CDK8: variants seen among roughly 807,000 people sequenced by gnomAD.
CDK8 encodes the protein cyclin-dependent kinase 8.
In CDK8, 29 loss-of-function variants were observed where a neutral mutation model predicts 71.5. That is an observed-to-expected ratio of 0.41 (90% CI 0.30 to 0.55). The LOEUF is 0.55. Among genes scored for constraint, CDK8 ranks in the 20% least tolerant of loss-of-function variants. The probability of loss-of-function intolerance (pLI) is 0.37; values close to 1 mark genes in which losing one functional copy is unlikely to be tolerated. For synonymous variants in CDK8, 161 were observed against 192.1 expected (o/e 0.84, Z 1.34); for missense variants, 288 against 572.6 (o/e 0.50, Z 5.07).
chr13:26,270,492 T>A (rs1872262808), intron 1 of CDK8, among the ~76,000 whole-genome samples: 1 of 152,272 alleles, frequency 6.6e-6, no homozygotes, highest in Admixed American at 6.5e-5. Flanking sequence ...TTTAGAATAT[T>A]TTTGGTCCCT....
chr13:26,312,407 ACACT>A (rs1329154280), intron 1 of CDK8, among the ~76,000 whole-genome samples: 2 of 152,150 alleles, frequency 1.3e-5, no homozygotes, highest in East Asian at 3.8e-4. Context: ...ATGAGCTGTA[ACACT>A]CACCGTGAGG....
intron 4 of CDK8, among the ~76,000 whole-genome samples, chr13:26,371,056 C>T (rs780670689): frequency 3.3e-5 from 5 of 152,000 alleles, no homozygotes; most frequent in Non-Finnish European, 7.4e-5. Flanking sequence ...GCAAGATGAA[C>T]TTCTTGCGGG....
intron 1 of CDK8, among the ~76,000 whole-genome samples, chr13:26,296,097 GA>G (rs1873548336): frequency 6.6e-6 from 1 of 152,170 alleles, no homozygotes. Flanking sequence ...ATTAAGCCAT[GA>G]AAATTGATTC....
At chr13:26,385,093 T>A (rs1477766617) in intron 5 of CDK8, 118 bp from the exon 6 acceptor site, 10 of 787,356 alleles carry the variant, frequency 1.3e-5, no homozygotes, top group Non-Finnish European at 2.0e-5. Flanking sequence ...TTTGTGGGTT[T>A]CTTCCCCTAG....
rs770441977 is a variant in CDK8 at position 26,349,099 on chromosome 13, G to T, written c.232G>T (p.Val78Phe). ...ACTTCGAGAGCTTAAGCATCCAAAC[G>T]TCATTTCTCTTCAAAAGGTGTTTCT... ...ALLRELKHPN[V>F]ISLQKVFLSH... Residue 78 changes from valine (V) to phenylalanine (F), a missense_variant, in exon 3 of 13, where the codon GTC becomes TTC. Around this residue, in one of 6 missense-constraint regions of CDK8, gnomAD observed 95 missense variants for 177.3 expected, o/e 0.54. Transcript: ENST00000381527. 1 of 1,612,434 alleles carries T rather than the reference G, an allele frequency of 6.2e-7. No homozygotes were observed. The highest frequency in any genetic ancestry group is 8.5e-7 in the Non-Finnish European group (1 of 1,178,694).
chr13:26,319,063 A>G (rs899197847), intron 1 of CDK8, among the ~76,000 whole-genome samples: 1 of 152,230 alleles, frequency 6.6e-6, no homozygotes, highest in African/African-American at 2.4e-5. Context: ...AAATGAATTG[A>G]GCAAAGTAGC....
intron 1 of CDK8, among the ~76,000 whole-genome samples, chr13:26,277,158 G>A (rs1482945183): frequency 6.6e-6 from 1 of 152,202 alleles, no homozygotes; most frequent in African/African-American, 2.4e-5. Flanking sequence ...TCCTGTTGGT[G>A]TTGTAGTAAT....
At chr13:26,368,134 C>T (rs1425121235) in intron 4 of CDK8, among the ~76,000 whole-genome samples, 2 of 152,156 alleles carry the variant, frequency 1.3e-5, no homozygotes, top group South Asian at 2.1e-4. Context: ...GTTTACCCTA[C>T]CCCTAGCTAG....
chr13:26,265,645 C>T (rs1355919892), intron 1 of CDK8, among the ~76,000 whole-genome samples: 4 of 152,124 alleles, frequency 2.6e-5, no homozygotes, highest in African/African-American at 9.7e-5. Flanking sequence ...GGAAGCTATC[C>T]TTTGCAGCTG....
intron 2 of CDK8, among the ~76,000 whole-genome samples, chr13:26,341,952 C>T (rs1201570468): frequency 4.0e-5 from 6 of 151,696 alleles, no homozygotes; most frequent in African/African-American, 7.3e-5. Context: ...GACGAAGTCT[C>T]GCTCTTTCCC....
chr13:26,266,025 G>A (rs976590276), intron 1 of CDK8, among the ~76,000 whole-genome samples: 5 of 152,126 alleles, frequency 3.3e-5, no homozygotes, highest in African/African-American at 9.7e-5. Flanking sequence ...AGAAATGATA[G>A]GACTTGTTGA....
intron 4 of CDK8, among the ~76,000 whole-genome samples, chr13:26,379,100 A>G (rs1342402479): frequency 6.6e-6 from 1 of 152,246 alleles, no homozygotes; most frequent in Non-Finnish European, 1.5e-5. Flanking sequence ...CTACTAAATC[A>G]TACTGTCTTT....
At chr13:26,341,333 G>T (rs1873230612) in intron 2 of CDK8, among the ~76,000 whole-genome samples, 1 of 152,060 alleles carries the variant, frequency 6.6e-6, no homozygotes, top group African/African-American at 2.4e-5. Context: ...CACCATGTTG[G>T]TCAGGCTGGT....
At chr13:26,366,274 A>G (rs563605549) in intron 4 of CDK8, among the ~76,000 whole-genome samples, 1 of 152,132 alleles carries the variant, frequency 6.6e-6, no homozygotes, top group African/African-American at 2.4e-5. Flanking sequence ...AAGTCTTCCT[A>G]CAGAAACAAG....
chr13:26,387,099 A>G (rs1359212714), intron 6 of CDK8, among the ~76,000 whole-genome samples: 3 of 152,022 alleles, frequency 2.0e-5, no homozygotes, highest in Non-Finnish European at 4.4e-5. Context: ...TGCCTTTGTC[A>G]TATCCATTTC....
At chr13:26,360,498 C>T (rs1469752618) in intron 4 of CDK8, among the ~76,000 whole-genome samples, 1 of 152,100 alleles carries the variant, frequency 6.6e-6, no homozygotes, top group East Asian at 1.9e-4. Flanking sequence ...CTCTAGTCAC[C>T]CTAGCTGAAA....
At chr13:26,290,857 C>T (rs1873263570) in intron 1 of CDK8, among the ~76,000 whole-genome samples, 1 of 152,242 alleles carries the variant, frequency 6.6e-6, no homozygotes, top group East Asian at 1.9e-4. Flanking sequence ...TGGCTCACAC[C>T]TGTAATCCCA....
chr13:26,321,964 G>T (rs1874796186), intron 1 of CDK8, among the ~76,000 whole-genome samples: 1 of 152,114 alleles, frequency 6.6e-6, no homozygotes. Flanking sequence ...AGCGCATGTG[G>T]TGCTGACTTC....
chr13:26,293,630 A>G (rs1416241739), intron 1 of CDK8, among the ~76,000 whole-genome samples: 2 of 151,524 alleles, frequency 1.3e-5, no homozygotes, highest in African/African-American at 2.4e-5. Context: ...AAAAATTTGT[A>G]TATATTTATG....
Sources: gnomAD v4.1 joint callset for allele counts (sites outside exome capture counted in the v4.1 genomes callset) on GRCh38, gnomAD v4.1.1 for gene constraint, gnomAD v4.1.1 regional missense constraint, MANE v1.5 for transcripts, NCBI Gene and HGNC (gene_info 2026-07-23, HGNC 2026-07-21) for gene names.